The following PRKN variants were observed in gnomAD, a reference collection of about 807,000 sequenced individuals.
The protein encoded by PRKN is E3 ubiquitin-protein ligase parkin.
Under a neutral mutation model 59.5 loss-of-function variants are expected in PRKN, and 56 were observed. The observed-to-expected ratio is 0.94, with a 90% CI of 0.76 to 1.18. PRKN has a LOEUF of 1.18. Among genes scored for constraint, PRKN ranks in the 50% most tolerant of loss-of-function variants. The probability of loss-of-function intolerance (pLI) is 0.00; values close to 1 mark genes in which losing one functional copy is unlikely to be tolerated. For synonymous variants in PRKN, 250 were observed against 222.1 expected (o/e 1.13, Z -1.12); for missense variants, 657 against 596.4 (o/e 1.10, Z -1.06).
Position 161,484,323 on chromosome 6 carries a change from A to G in PRKN, c.1083+64531T>C, listed in dbSNP as rs955532092. Among the ~76,000 whole-genome samples the G allele has an allele frequency of 2.6e-5, 4 of 152,132 alleles. No homozygotes were observed. Among genetic ancestry groups the G allele is most frequent in the Admixed American group, 2.6e-4 (4 of 15,278 alleles). On this transcript the variant is annotated intron_variant, in intron 9 of 11. Coordinates refer to ENST00000366898, the MANE Select transcript of PRKN (RefSeq NM_004562.3). The surrounding 1 kb of genome is among the most constrained non-coding windows in gnomAD (Gnocchi z 4.9). ...AAGTCCTCTTGGAATGCTGAGACGCACTGGAAACCTCTAGATGGGCCATCC... is the reference window on the plus strand; with the variant it reads ...AAGTCCTCTTGGAATGCTGAGACGCGCTGGAAACCTCTAGATGGGCCATCC...
intron 6 of PRKN, among the ~76,000 whole-genome samples, chr6:161,813,367 G>A (rs867282612): frequency 6.6e-6 from 1 of 152,154 alleles, no homozygotes; most frequent in Non-Finnish European, 1.5e-5. Flanking sequence ...CTGCGGCGAG[G>A]CGGTGCAGTA....
intron 6 of PRKN, among the ~76,000 whole-genome samples, chr6:161,851,907 C>T (rs1336745722): frequency 6.8e-5 from 10 of 147,008 alleles, no homozygotes; most frequent in African/African-American, 2.3e-4. Context: ...GCCAACATGG[C>T]GAAAACATAT....
chr6:162,290,563 C>T (rs1781386632), intron 2 of PRKN, among the ~76,000 whole-genome samples: 1 of 151,950 alleles, frequency 6.6e-6, no homozygotes, highest in African/African-American at 2.4e-5. Flanking sequence ...TTTTTTATCA[C>T]CAAAAGTTAA....
intron 4 of PRKN, among the ~76,000 whole-genome samples, chr6:162,076,410 A>G (rs772149895): frequency 2.0e-5 from 3 of 152,290 alleles, no homozygotes; most frequent in Middle Eastern, 3.4e-3. Flanking sequence ...TACACATTGT[A>G]TAGATGTTCT....
Position 161,551,211 on chromosome 6 carries a change from C to T in PRKN, c.934-2208G>A, listed in dbSNP as rs960523085. Among the ~76,000 whole-genome samples the T allele has an allele frequency of 9.2e-5, 14 of 152,168 alleles. No homozygotes were observed. Among genetic ancestry groups the T allele is most frequent in the Admixed American group, 6.5e-4 (10 of 15,280 alleles). ...AGAGATTGCCTGTGAGTGATTACTG[C>T]ATAGATTTCTTAGAGGCTTCATACA... On this transcript the variant is annotated intron_variant, in intron 8 of 11. Transcript: ENST00000366898. This position sits in a 1 kb window ranked among gnomAD's most constrained non-coding sequence, Gnocchi z 5.2.
intron 6 of PRKN, among the ~76,000 whole-genome samples, chr6:161,946,652 T>G (rs1316069875): frequency 6.6e-6 from 1 of 152,200 alleles, no homozygotes; most frequent in Non-Finnish European, 1.5e-5. Context: ...CAGAGTGATC[T>G]TAGAATTCAG....
intron 4 of PRKN, among the ~76,000 whole-genome samples, chr6:162,064,588 T>TA (rs1431980793): frequency 1.3e-5 from 2 of 152,198 alleles, no homozygotes; most frequent in Non-Finnish European, 2.9e-5. Flanking sequence ...ACAAAACTCT[T>TA]AAAGTCAAGG....
chr6:162,608,282 A>T (rs546263397), intron 1 of PRKN, among the ~76,000 whole-genome samples: 1 of 152,366 alleles, frequency 6.6e-6, no homozygotes, highest in Admixed American at 6.5e-5. Flanking sequence ...AAACAGTCCC[A>T]GTGACAGGGG....
intron 4 of PRKN, among the ~76,000 whole-genome samples, chr6:162,147,158 T>A (rs1236149018): frequency 1.3e-5 from 2 of 150,676 alleles, no homozygotes; most frequent in African/African-American, 4.8e-5. Context: ...CTGGCCAATA[T>A]GGTGAAACCT....
At chr6:162,346,407 G>A (rs572864624) in intron 2 of PRKN, among the ~76,000 whole-genome samples, 1 of 150,980 alleles carries the variant, frequency 6.6e-6, no homozygotes, top group Non-Finnish European at 1.5e-5. Context: ...CTTGTGCCCA[G>A]GAGTTCGAGA....
intron 6 of PRKN, among the ~76,000 whole-genome samples, chr6:161,899,477 T>C (rs1342283992): frequency 6.6e-6 from 1 of 152,172 alleles, no homozygotes; most frequent in African/African-American, 2.4e-5. Flanking sequence ...AAGGCTCAGA[T>C]AAAAGATATC....
intron 5 of PRKN, among the ~76,000 whole-genome samples, chr6:161,977,525 TAC>T (rs1375383680): frequency 1.3e-5 from 2 of 148,980 alleles, no homozygotes; most frequent in African/African-American, 5.0e-5. Flanking sequence ...TTATCTTCTC[TAC>T]TTTCTGTTTT....
Position 161,529,377 on chromosome 6 carries a change from A to G in PRKN, c.1083+19477T>C, listed in dbSNP as rs1425129821. ...ACAGGCTTAGTGAGGCGAGTCACAC[A>G]TTAGCCCATCTGCTCTGGTAATGTC... On this transcript the variant is annotated intron_variant, in intron 9 of 11. Transcript: ENST00000366898. This position sits in a 1 kb window ranked among gnomAD's most constrained non-coding sequence, Gnocchi z 4.4. Among the ~76,000 whole-genome samples, 1 of 152,192 alleles carries G rather than the reference A, an allele frequency of 6.6e-6. No individual in the cohort carries two copies. The highest frequency in any genetic ancestry group is 2.4e-5 in the African/African-American group (1 of 41,462).
chr6:162,631,971 CTAT>C (rs960735906), intron 1 of PRKN, among the ~76,000 whole-genome samples: 3 of 145,788 alleles, frequency 2.1e-5, no homozygotes, highest in African/African-American at 5.1e-5. Flanking sequence ...GTCAGAATGG[CTAT>C]TATTAAAAAG....
At chr6:162,532,025 A>G (rs1752836973) in intron 1 of PRKN, among the ~76,000 whole-genome samples, 1 of 152,154 alleles carries the variant, frequency 6.6e-6, no homozygotes. Context: ...TCTTTACAAC[A>G]GCACCTAAGG....
At chr6:162,121,611 G>T (rs746740313) in intron 4 of PRKN, among the ~76,000 whole-genome samples, 1 of 152,186 alleles carries the variant, frequency 6.6e-6, no homozygotes, top group Non-Finnish European at 1.5e-5. Flanking sequence ...TGATCCAACA[G>T]ATACAATTAT....
chr6:161,927,068 G>T (rs1778995550), intron 6 of PRKN, among the ~76,000 whole-genome samples: 1 of 152,080 alleles, frequency 6.6e-6, no homozygotes, highest in Admixed American at 6.5e-5. Context: ...GATACTTCGT[G>T]TGTGTGGGAG....
intron 3 of PRKN, among the ~76,000 whole-genome samples, chr6:162,252,863 T>C (rs1039931868): frequency 6.6e-6 from 1 of 152,262 alleles, no homozygotes; most frequent in Non-Finnish European, 1.5e-5. Context: ...TTTCCCATTT[T>C]CAAAAAGCTT....
intron 1 of PRKN, among the ~76,000 whole-genome samples, chr6:162,470,387 C>T (rs112353557): frequency 3.9e-5 from 6 of 152,200 alleles, no homozygotes; most frequent in African/African-American, 9.6e-5. Flanking sequence ...AGGCAGATCA[C>T]GAGGTCAGGA....
Sources: gnomAD v4.1 joint callset for allele counts (sites outside exome capture counted in the v4.1 genomes callset) on GRCh38, gnomAD v4.1.1 for gene constraint, Gnocchi (gnomAD v3.1) non-coding constraint, MANE v1.5 for transcripts, NCBI Gene and HGNC (gene_info 2026-07-23, HGNC 2026-07-21) for gene names.